The following CSMD1 variants were observed in gnomAD, a reference collection of about 807,000 sequenced individuals.
CSMD1 encodes the protein CUB and sushi domain-containing protein 1.
In CSMD1, 213 loss-of-function variants were observed where a neutral mutation model predicts 417.5. The ratio of observed to expected loss-of-function variants is 0.51; its 90% CI spans 0.46 to 0.57. The LOEUF (loss-of-function observed/expected upper bound fraction) is 0.57. Among genes scored for constraint, CSMD1 ranks in the 20% least tolerant of loss-of-function variants. The pLI is 0.00. For missense variants in CSMD1, 6,923 were observed against 4,529.7 expected (o/e 1.53, Z -15.17); for synonymous variants, 2,862 against 1,736.8 (o/e 1.65, Z -16.11).
At chr8:4,716,718 T>G (rs1808682439) in intron 1 of CSMD1, among the ~76,000 whole-genome samples, 1 of 152,200 alleles carries the variant, frequency 6.6e-6, no homozygotes, top group Non-Finnish European at 1.5e-5. Context: ...TGATTTTAAT[T>G]TTGTAGTCTT....
intron 3 of CSMD1, among the ~76,000 whole-genome samples, chr8:4,066,336 C>T (rs1399958158): frequency 6.6e-6 from 1 of 152,138 alleles, no homozygotes; most frequent in Non-Finnish European, 1.5e-5. Flanking sequence ...CTGCCTAGCC[C>T]GTTCTGTCAT....
intron 3 of CSMD1, among the ~76,000 whole-genome samples, chr8:4,191,744 CAAAAAAAA>C (rs3065543): frequency 7.4e-6 from 1 of 135,746 alleles, no homozygotes; most frequent in Non-Finnish European, 1.6e-5. Context: ...AAGGTCATTC[CAAAAAAAA>C]AAAAAAAAAA....
intron 3 of CSMD1, among the ~76,000 whole-genome samples, chr8:4,070,497 A>G (rs1397402793): frequency 2.0e-5 from 3 of 152,078 alleles, no homozygotes; most frequent in Admixed American, 1.3e-4. Flanking sequence ...AGCTGGGACT[A>G]CAGGCGCCCG....
intron 3 of CSMD1, among the ~76,000 whole-genome samples, chr8:4,396,292 T>C (rs1307139464): frequency 7.2e-6 from 1 of 139,264 alleles, no homozygotes; most frequent in Non-Finnish European, 1.5e-5. Flanking sequence ...TGAGACATCA[T>C]CTCTTAAAAG....
intron 3 of CSMD1, among the ~76,000 whole-genome samples, chr8:4,324,192 G>A (rs116128073): frequency 1.3e-5 from 2 of 152,218 alleles, no homozygotes; most frequent in African/African-American, 4.8e-5. Context: ...ATAGAACAAA[G>A]TAAACTGTGT....
intron 3 of CSMD1, among the ~76,000 whole-genome samples, chr8:4,088,025 C>G (rs1360614912): frequency 6.6e-6 from 1 of 152,116 alleles, no homozygotes; most frequent in East Asian, 1.9e-4. Context: ...CATTTCTGTG[C>G]TAAATGACAC....
chr8:4,249,210 G>A (rs895068032), intron 3 of CSMD1, among the ~76,000 whole-genome samples: 3 of 152,158 alleles, frequency 2.0e-5, no homozygotes, highest in African/African-American at 7.2e-5. Flanking sequence ...AGGAGATTAG[G>A]AGGAATTTAT....
chr8:3,966,249 T>C (rs1812671933), intron 5 of CSMD1, among the ~76,000 whole-genome samples: 1 of 152,134 alleles, frequency 6.6e-6, no homozygotes, highest in African/African-American at 2.4e-5. Flanking sequence ...CCATATTTAA[T>C]CAATATTGCA....
At chr8:4,288,146 T>C (rs1207017973) in intron 3 of CSMD1, among the ~76,000 whole-genome samples, 1 of 152,146 alleles carries the variant, frequency 6.6e-6, no homozygotes, top group Non-Finnish European at 1.5e-5. Flanking sequence ...AAAGTTTGAC[T>C]GAGAAAAGAA....
intron 17 of CSMD1, among the ~76,000 whole-genome samples, chr8:3,390,023 GT>G (rs942222163): frequency 4.3e-4 from 65 of 152,110 alleles, no homozygotes; most frequent in Non-Finnish European, 1.5e-4. Flanking sequence ...AACTGGCCAT[GT>G]AAAAGAATCC....
At chr8:4,620,398 G>C (rs1021535440) in intron 2 of CSMD1, among the ~76,000 whole-genome samples, 2 of 151,486 alleles carry the variant, frequency 1.3e-5, no homozygotes, top group Non-Finnish European at 3.0e-5. Flanking sequence ...ATTTGAGTTT[G>C]AGAAACTTAA....
intron 3 of CSMD1, among the ~76,000 whole-genome samples, chr8:4,191,580 C>G (rs145194427): frequency 9.2e-4 from 140 of 152,148 alleles, no homozygotes; most frequent in African/African-American, 3.1e-3. Flanking sequence ...ATCCATGAAT[C>G]ACTGTTCTTC....
At chr8:3,096,423 T>G (rs1404403951) in intron 47 of CSMD1, among the ~76,000 whole-genome samples, 1 of 151,996 alleles carries the variant, frequency 6.6e-6, no homozygotes, top group Non-Finnish European at 1.5e-5. Flanking sequence ...AAAATGGGAT[T>G]TTTCCCTGCA....
chr8:4,184,932 G>GTTCAAGACCAGCCTCCCCA (rs1401943967), intron 3 of CSMD1, among the ~76,000 whole-genome samples: 6 of 150,660 alleles, frequency 4.0e-5, no homozygotes, highest in Admixed American at 3.3e-4. Context: ...GAGGTCAGGA[G>GTTCAAGACCAGCCTCCCCA]TTCAAGACCA....
chr8:4,307,715 C>T (rs1348662470), intron 3 of CSMD1, among the ~76,000 whole-genome samples: 3 of 152,098 alleles, frequency 2.0e-5, no homozygotes, highest in African/African-American at 7.2e-5. Context: ...ATGCTCTTGA[C>T]CATGAGTGGG....
intron 4 of CSMD1, among the ~76,000 whole-genome samples, chr8:4,004,660 T>G (rs1056315502): frequency 6.6e-6 from 1 of 152,322 alleles, no homozygotes; most frequent in East Asian, 1.9e-4. Flanking sequence ...GTGTATGAAA[T>G]AGTCACTTTC....
At chr8:4,767,957 G>A (rs1812578863) in intron 1 of CSMD1, among the ~76,000 whole-genome samples, 1 of 152,018 alleles carries the variant, frequency 6.6e-6, no homozygotes, top group Non-Finnish European at 1.5e-5. Flanking sequence ...CGTACTCGAG[G>A]GCGTGGGTCA....
intron 6 of CSMD1, among the ~76,000 whole-genome samples, chr8:3,745,757 T>A (rs749520330): frequency 1.3e-5 from 2 of 152,206 alleles, no homozygotes; most frequent in Non-Finnish European, 2.9e-5. Context: ...GCCATTCAAT[T>A]TCAGAAGCCT....
chr8:3,064,619 G>A (rs1200381223), intron 49 of CSMD1, among the ~76,000 whole-genome samples: 4 of 152,162 alleles, frequency 2.6e-5, no homozygotes, highest in Non-Finnish European at 5.9e-5. Context: ...ATAAACATAT[G>A]ATCCAAACGT....
Sources: allele counts gnomAD v4.1 joint callset (sites outside exome capture counted in the v4.1 genomes callset), GRCh38; gene constraint gnomAD v4.1.1; transcripts MANE v1.5; gene names NCBI Gene and HGNC (gene_info 2026-07-23, HGNC 2026-07-21).